The following OSMR variants were observed in gnomAD, a reference collection of about 807,000 sequenced individuals.
The protein encoded by OSMR is oncostatin-M-specific receptor subunit beta.
In OSMR, 81 loss-of-function variants were observed where a neutral mutation model predicts 99.9. The observed-to-expected ratio is 0.81, with a 90% CI of 0.68 to 0.97. The LOEUF (loss-of-function observed/expected upper bound fraction) is 0.97. Ranked by LOEUF, OSMR falls within the 50% of genes least tolerant of loss-of-function variation. OSMR has a pLI of 0.00. For synonymous variants in OSMR, 406 were observed against 410.4 expected, an observed-to-expected ratio of 0.99 and a Z score of 0.13; for missense variants, 1,099 against 1,153.4, an observed-to-expected ratio of 0.95 and a Z score of 0.68.
At chr5:38,919,262 C>G (rs1162831369) in intron 11 of OSMR, 200 bp downstream of exon 11, 2 of 1,513,998 alleles carry the variant, frequency 1.3e-6, no homozygotes, top group African/African-American at 2.8e-5. Context: ...AAGGAGACTT[C>G]AGCCATGGCT....
chr5:38,939,880 A>G (rs1747348314), downstream of OSMR: 1 of 226,082 alleles, frequency 4.4e-6, no homozygotes, highest in Non-Finnish European at 8.8e-6. Context: ...ATTTTTAAAC[A>G]CTTAAGTTAA....
chr5:38,942,772 T>C lies in OSMR; in HGVS notation c.75-1429T>C, dbSNP rs1317524843. ...CACCCAGCTATAATCTGTATTTTAATTCAATTCAAACACAGAATTATTCTT... is the reference window on the plus strand; with the variant it reads ...CACCCAGCTATAATCTGTATTTTAACTCAATTCAAACACAGAATTATTCTT... On this transcript the variant is annotated intron_variant and NMD_transcript_variant, in intron 1 of 2. Coordinates refer to the OSMR transcript ENST00000508882. 2.2e-6 allele frequency: 3 copies of C among 1,361,724 alleles called. No individual in the cohort carries two copies. The African/African-American group carries it at 4.3e-5, about 19-fold the overall frequency. 84.4% of individuals were successfully genotyped at this position (1,361,724 alleles called of 1,614,324 possible). A position where few individuals can be genotyped will look rare whatever the true frequency, so the allele number is the denominator to read the frequency against.
downstream of OSMR, among the ~76,000 whole-genome samples, chr5:38,935,805 CA>C (rs1274512539): frequency 2.0e-5 from 3 of 151,964 alleles, no homozygotes; most frequent in Non-Finnish European, 4.4e-5. Flanking sequence ...TATTTTTTAT[CA>C]TCAGTTCCCA....
intron 12 of OSMR, 24 bp from the exon 13 acceptor site, chr5:38,923,126 A>G: frequency 1.2e-6 from 2 of 1,612,482 alleles, no homozygotes; most frequent in Admixed American, 1.7e-5. Flanking sequence ...TGTTATTAAA[A>G]ATCTGTTGAC....
chr5:38,938,020 C>T (rs988056125), downstream of OSMR: 1 of 200,280 alleles, frequency 5.0e-6, no homozygotes, highest in Admixed American at 6.0e-5. Flanking sequence ...ACACATTATA[C>T]AAAAACAAGA....
chr5:38,879,358 A>T (rs1241456711), intron 3 of OSMR, among the ~76,000 whole-genome samples: 2 of 152,204 alleles, frequency 1.3e-5, no homozygotes, highest in African/African-American at 4.8e-5. Context: ...CAAGGGCAAT[A>T]AGAACAAAGG....
At chr5:38,874,525 A>G (rs1742652142) in intron 2 of OSMR, among the ~76,000 whole-genome samples, 1 of 152,172 alleles carries the variant, frequency 6.6e-6, no homozygotes, top group Non-Finnish European at 1.5e-5. Context: ...ATGTGGACCA[A>G]TCACAAGAAA....
intron 10 of OSMR, 94 bp from the exon 11 acceptor site, chr5:38,918,746 A>G: frequency 6.4e-7 from 1 of 1,556,492 alleles, no homozygotes; most frequent in Non-Finnish European, 8.7e-7. Flanking sequence ...GTGCGTATAT[A>G]AAGGAGTTGA....
chr5:38,876,069 C>T, intron 2 of OSMR, 132 bp from the exon 3 acceptor site: 1 of 1,328,676 alleles, frequency 7.5e-7, no homozygotes, highest in Non-Finnish European at 1.0e-6. Context: ...TCCAAGGTGT[C>T]TGATTCTAGG....
chr5:38,849,776 C>G (rs1173002146), intron 1 of OSMR, among the ~76,000 whole-genome samples: 1 of 152,182 alleles, frequency 6.6e-6, no homozygotes, highest in Non-Finnish European at 1.5e-5. Context: ...ATTGGCTACA[C>G]ATCAGATTAA....
chr5:38,929,297 C>A (rs1322157010), intron 15 of OSMR, among the ~76,000 whole-genome samples: 4 of 152,080 alleles, frequency 2.6e-5, no homozygotes, highest in Non-Finnish European at 4.4e-5. Context: ...TCAAAATAAT[C>A]CTTTCTCTTT....
chr5:38,883,286 A>C (rs548602416), intron 4 of OSMR, among the ~76,000 whole-genome samples: 1 of 152,330 alleles, frequency 6.6e-6, no homozygotes, highest in Non-Finnish European at 1.5e-5. Flanking sequence ...AAGACCCCTC[A>C]CACTTGAGGG....
At chr5:38,886,003 T>C (rs760021153) in intron 6 of OSMR, 36 bp from the exon 7 acceptor site, 6 of 1,609,978 alleles carry the variant, frequency 3.7e-6, no homozygotes, top group East Asian at 4.5e-5. Flanking sequence ...AGTAAAAACC[T>C]CGTAATGGTT....
At chr5:38,945,490 C>T (rs2112812986), downstream of OSMR, 1 of 1,597,390 alleles carries the variant, frequency 6.3e-7, no homozygotes, top group Non-Finnish European at 8.6e-7. Context: ...TGATCACTTA[C>T]CTGAATGACT....
chr5:38,876,261 G>A lies in OSMR; in HGVS notation c.134G>A (p.Arg45His), dbSNP rs147223683. Reference protein sequence around the residue: ...VSLKVSTNSTRQSLHLQWTVH... With the variant: ...VSLKVSTNSTHQSLHLQWTVH... Reference sequence around the variant, plus strand: ...CTTAAAGTTTCCACCAATTCTACGCGTCAGAGTTTGCACTTACAATGGACT... The same window carrying A: ...CTTAAAGTTTCCACCAATTCTACGCATCAGAGTTTGCACTTACAATGGACT... Residue 45 changes from arginine to histidine, a missense_variant, in exon 3 of 18, where the codon CGT becomes CAT. Arg to His is a conservative substitution (Grantham distance 29, BLOSUM62 0). Coordinates refer to ENST00000274276, the MANE Select transcript of OSMR (RefSeq NM_003999.3). 2.3e-4 allele frequency: 367 copies of A among 1,613,334 alleles called. No homozygotes were observed. Among genetic ancestry groups the A allele is most frequent in the Non-Finnish European group, 2.7e-4 (321 of 1,179,694 alleles).
chr5:38,905,874 T>A (rs1319200956), intron 9 of OSMR, among the ~76,000 whole-genome samples: 1 of 152,188 alleles, frequency 6.6e-6, no homozygotes, highest in East Asian at 1.9e-4. Context: ...CTGGCAGAAC[T>A]CTTTCTGTCT....
intron 1 of OSMR, among the ~76,000 whole-genome samples, chr5:38,853,159 G>A (rs867137259): frequency 1.3e-5 from 2 of 152,038 alleles, no homozygotes; most frequent in African/African-American, 4.8e-5. Flanking sequence ...ATGCCTAACA[G>A]ATTATAAAAC....
chr5:38,910,787 G>C lies in OSMR; in HGVS notation c.1285+6284G>C, dbSNP rs778751394. ...GCACTTTGGGAGGCCAACGTGGGCA[G>C]ATCACGAGGTCAGGAGTTTGAGACC... On this transcript the variant is annotated intron_variant, in intron 9 of 17. Transcript: ENST00000274276. Among the ~76,000 whole-genome samples the C allele has an allele frequency of 3.3e-5, 5 of 152,198 alleles. No individual in the cohort carries two copies. The South Asian group carries it at 6.2e-4, about 19-fold the overall frequency.
At chr5:38,901,661 G>A (rs1046795715) in intron 7 of OSMR, among the ~76,000 whole-genome samples, 2 of 152,146 alleles carry the variant, frequency 1.3e-5, no homozygotes, top group African/African-American at 2.4e-5. Context: ...ACATCCCAGT[G>A]GTAGTTTTTT....
Sources: allele counts gnomAD v4.1 joint callset (sites outside exome capture counted in the v4.1 genomes callset), GRCh38; gene constraint gnomAD v4.1.1; transcripts MANE v1.5; gene names NCBI Gene and HGNC (gene_info 2026-07-23, HGNC 2026-07-21).